Variants in MYO16 observed in about 807,000 individuals in gnomAD.
MYO16 encodes myosin XVI.
Under a neutral mutation model 205.3 loss-of-function variants are expected in MYO16, and 94 were observed. The ratio of observed to expected loss-of-function variants is 0.46; its 90% CI spans 0.39 to 0.54. The LOEUF is 0.54. MYO16 is among the 20% of genes least tolerant of loss of function. The pLI is 0.00. For synonymous variants in MYO16, 988 were observed against 954.0 expected, an observed-to-expected ratio of 1.04 and a Z score of -0.66; for missense variants, 2,315 against 2,387.5, an observed-to-expected ratio of 0.97 and a Z score of 0.63.
At position 108,962,426 on chromosome 13, in the gene MYO16, G is replaced by A. The variant is rs763750011; in HGVS notation, c.2158G>A (p.Ala720Thr). The change falls in exon 19 of 35, where the codon GCT becomes ACT. Residue 720 changes from alanine to threonine, a missense_variant and splice_region_variant. Coordinates refer to ENST00000457511, the MANE Select transcript of MYO16 (RefSeq NM_001198950.3). Reference sequence around the variant, plus strand: ...TTATAATGCTGATTTAATTTTAGTGGCTGGAATGTTACAAGTATCAACAGA... The same window carrying A: ...TTATAATGCTGATTTAATTTTAGTGACTGGAATGTTACAAGTATCAACAGA... ...VSDLQLLEQVAGMLQVSTDEL... is the reference protein window; with the variant it reads ...VSDLQLLEQVTGMLQVSTDEL... The A allele has an allele frequency of 1.2e-6, 2 of 1,602,214 alleles. No individual in the cohort carries two copies. Among genetic ancestry groups the A allele is most frequent in the Admixed American group, 1.7e-5 (1 of 57,840 alleles).
chr13:108,788,588 C>T (rs1886526026), intron 5 of MYO16, among the ~76,000 whole-genome samples: 1 of 152,216 alleles, frequency 6.6e-6, no homozygotes, highest in Non-Finnish European at 1.5e-5. Flanking sequence ...CCACCATTCA[C>T]TGTCGTTTCT....
At chr13:109,076,099 G>C (rs1488859013) in intron 27 of MYO16, among the ~76,000 whole-genome samples, 1 of 152,006 alleles carries the variant, frequency 6.6e-6, no homozygotes, top group Non-Finnish European at 1.5e-5. Context: ...GTGTCTGCAG[G>C]GTCTCCAGTG....
chr13:109,027,393 A>G (rs76210182), intron 23 of MYO16, among the ~76,000 whole-genome samples: 2,576 of 152,302 alleles, frequency 0.017, 76 homozygotes, highest in African/African-American at 0.059. Context: ...GGTACACTAT[A>G]CAAGCCACTA....
chr13:109,002,862 A>G (rs1388573321), intron 21 of MYO16, among the ~76,000 whole-genome samples: 1 of 152,234 alleles, frequency 6.6e-6, no homozygotes, highest in Non-Finnish European at 1.5e-5. Context: ...GGTTCTGTCC[A>G]TGACTTTGGC....
chr13:108,683,763 A>T (rs1356418907), intron 2 of MYO16, among the ~76,000 whole-genome samples: 6 of 152,238 alleles, frequency 3.9e-5, no homozygotes, highest in African/African-American at 1.4e-4. Context: ...TTTAGCATTA[A>T]GCCTGAGAAT....
At chr13:108,846,200 T>C (rs1288804168) in intron 10 of MYO16, among the ~76,000 whole-genome samples, 4 of 152,208 alleles carry the variant, frequency 2.6e-5, no homozygotes, top group Non-Finnish European at 5.9e-5. Flanking sequence ...CCTCATACAT[T>C]TTAACACTTA....
intron 12 of MYO16, among the ~76,000 whole-genome samples, chr13:108,869,086 C>T (rs1348629549): frequency 1.3e-5 from 2 of 152,064 alleles, no homozygotes; most frequent in African/African-American, 4.8e-5. Context: ...TTCAAATTTG[C>T]CCTAGCAATT....
chr13:109,015,401 A>G (rs947123074), intron 22 of MYO16, among the ~76,000 whole-genome samples: 10 of 152,200 alleles, frequency 6.6e-5, no homozygotes, highest in Non-Finnish European at 1.3e-4. Context: ...GATGTTCATC[A>G]GGGCTATTGG....
chr13:108,569,530 C>A, the MYO16 span, among the ~76,000 whole-genome samples: 1 of 151,928 alleles, frequency 6.6e-6, no homozygotes, highest in African/African-American at 2.4e-5. Context: ...ATTATTAGTT[C>A]TGATAGATTT....
intron 16 of MYO16, among the ~76,000 whole-genome samples, chr13:108,924,831 C>T (rs113289826): frequency 1.4e-4 from 21 of 152,218 alleles, no homozygotes; most frequent in Non-Finnish European, 2.9e-4. Context: ...CGTCTGTTGC[C>T]GCACCCTGAC....
In MYO16 at chr13:109,121,639, T is replaced by C. The variant is rs543617782; in HGVS notation, c.3535+1173T>C. Among the ~76,000 whole-genome samples the C allele has an allele frequency of 3.9e-5, 6 of 152,316 alleles. No individual in the cohort carries two copies. The East Asian group carries it at 1.2e-3, about 29-fold the overall frequency. Reference sequence around the variant, plus strand: ...CTTAGATGGCTTCCTAGGTGCAGCTTTTCTCTAACAGAGCCTGTGTTTCCA... The same window carrying C: ...CTTAGATGGCTTCCTAGGTGCAGCTCTTCTCTAACAGAGCCTGTGTTTCCA... On this transcript the variant is annotated intron_variant, in intron 29 of 34. Transcript: ENST00000457511.
chr13:109,112,624 G>A (rs529228428), intron 28 of MYO16, among the ~76,000 whole-genome samples: 50 of 151,930 alleles, frequency 3.3e-4, no homozygotes, highest in Non-Finnish European at 5.0e-4. Context: ...GCACGGTGGC[G>A]CATGCCTGTA....
intron 16 of MYO16, among the ~76,000 whole-genome samples, chr13:108,945,282 A>G (rs1021447234): frequency 6.6e-6 from 1 of 152,208 alleles, no homozygotes; most frequent in Non-Finnish European, 1.5e-5. Context: ...CATTTAGACA[A>G]TGTGATTGGG....
chr13:108,876,269 A>G, intron 12 of MYO16, among the ~76,000 whole-genome samples: 1 of 152,194 alleles, frequency 6.6e-6, no homozygotes, highest in East Asian at 1.9e-4. Context: ...TATTGGTTTC[A>G]TATCTCTTTT....
intron 23 of MYO16, among the ~76,000 whole-genome samples, chr13:109,023,765 GTTTTTATATA>G: frequency 1.3e-5 from 1 of 74,904 alleles, no homozygotes; most frequent in African/African-American, 4.1e-5. Context: ...ATACAAATAT[GTTTTTATATA>G]CATATTATAT....
intron 1 of MYO16, among the ~76,000 whole-genome samples, chr13:108,633,082 A>C (rs991008357): frequency 6.6e-5 from 10 of 152,036 alleles, no homozygotes; most frequent in Non-Finnish European, 1.5e-4. Context: ...AGCAGGAGGA[A>C]GGTTAAAGTT....
At chr13:109,064,523 A>G (rs1190957827) in intron 27 of MYO16, among the ~76,000 whole-genome samples, 2 of 152,204 alleles carry the variant, frequency 1.3e-5, no homozygotes, top group Non-Finnish European at 2.9e-5. Context: ...TGCAACAGCA[A>G]ATGTTTATTT....
intron 12 of MYO16, among the ~76,000 whole-genome samples, chr13:108,874,198 A>G (rs1879212239): frequency 7.3e-6 from 1 of 136,502 alleles, no homozygotes. Flanking sequence ...AGTAAATCCT[A>G]TCAGGTTTTT....
chr13:108,743,018 G>A (rs1884955865), intron 4 of MYO16, among the ~76,000 whole-genome samples: 1 of 152,152 alleles, frequency 6.6e-6, no homozygotes, highest in Non-Finnish European at 1.5e-5. Flanking sequence ...TGACAAAGTG[G>A]CCACAGTTGC....
Sources: gnomAD v4.1 joint callset for allele counts (sites outside exome capture counted in the v4.1 genomes callset) on GRCh38, gnomAD v4.1.1 for gene constraint, MANE v1.5 for transcripts, NCBI Gene and HGNC (gene_info 2026-07-23, HGNC 2026-07-21) for gene names.